ZW10: variants seen among roughly 807,000 people sequenced by gnomAD.
ZW10 encodes centromere/kinetochore protein zw10 homolog.
A neutral mutation model predicts 87.8 loss-of-function variants in ZW10; 53 were observed. The observed-to-expected ratio is 0.60, with a 90% CI of 0.48 to 0.76. The LOEUF is 0.76. Ranked by LOEUF, ZW10 falls within the 30% of genes least tolerant of loss-of-function variation. The pLI, the probability that ZW10 is intolerant of heterozygous loss-of-function variation, is 0.00. For missense variants in ZW10, 837 were observed against 923.0 expected (o/e 0.91, Z 1.21); for synonymous variants, 312 against 329.2 (o/e 0.95, Z 0.57).
chr11:113,739,556 C>A lies in ZW10; in HGVS notation c.1584-174G>T, dbSNP rs1953592160. On this transcript the variant is annotated intron_variant, in intron 11 of 15. Coordinates refer to ENST00000200135, the MANE Select transcript of ZW10 (RefSeq NM_004724.4). ...CTCCCACTCCCAGAGGGAGGCTGTT[C>A]TGCCTGAATGGGATTTTATCCTATA... 2.0e-5 allele frequency among the ~76,000 whole-genome samples: 3 copies of A among 152,340 alleles called. No individual in the cohort carries two copies. The South Asian group carries it at 6.2e-4, about 32-fold the overall frequency.
chr11:113,770,145 G>A (rs896403986), intron 1 of ZW10, among the ~76,000 whole-genome samples: 4 of 146,386 alleles, frequency 2.7e-5, no homozygotes, highest in African/African-American at 1.0e-4. Context: ...CTGGAATGCG[G>A]TGGTGGAATC....
chr11:113,760,078 T>C, intron 5 of ZW10, 131 bp downstream of exon 5: 2 of 1,128,348 alleles, frequency 1.8e-6, no homozygotes, highest in Non-Finnish European at 2.4e-6. Context: ...CTTGCTAACA[T>C]GAGTGCTCAA....
At chr11:113,747,771 T>C in intron 8 of ZW10, 58 bp from the exon 9 acceptor site, 2 of 1,375,644 alleles carry the variant, frequency 1.5e-6, no homozygotes, top group Non-Finnish European at 1.9e-6. Context: ...ATTACAATAT[T>C]AGAATTTCAA....
At chr11:113,763,279 C>T (rs1055386678) in intron 2 of ZW10, among the ~76,000 whole-genome samples, 1 of 152,098 alleles carries the variant, frequency 6.6e-6, no homozygotes, top group Non-Finnish European at 1.5e-5. Context: ...ATGGGCATTT[C>T]GGTTGGTTCC....
At chr11:113,766,159 C>T (rs569461616) in intron 2 of ZW10, among the ~76,000 whole-genome samples, 1 of 150,494 alleles carries the variant, frequency 6.6e-6, no homozygotes, top group South Asian at 2.1e-4. Flanking sequence ...TCACTTAAAC[C>T]CAGAAGTTCG....
At chr11:113,761,829 T>C (rs184681297) in intron 2 of ZW10, among the ~76,000 whole-genome samples, 7 of 152,280 alleles carry the variant, frequency 4.6e-5, no homozygotes, top group Admixed American at 4.6e-4. Context: ...AACCACCCTA[T>C]TGCTCAGTAA....
At chr11:113,758,843 T>C in intron 5 of ZW10, 137 bp from the exon 6 acceptor site, 2 of 802,194 alleles carry the variant, frequency 2.5e-6, no homozygotes, top group Middle Eastern at 7.7e-4. Context: ...ATATGAATTA[T>C]GACATACATG....
chr11:113,746,708 G>A (rs77466658), intron 9 of ZW10, among the ~76,000 whole-genome samples: 12,962 of 152,012 alleles, frequency 0.085, 599 homozygotes, highest in Middle Eastern at 0.17. Flanking sequence ...TGTGATCTGC[G>A]GTAAGAATAT....
intron 9 of ZW10, among the ~76,000 whole-genome samples, chr11:113,745,096 A>C (rs74887888): frequency 5.1e-5 from 4 of 77,962 alleles, no homozygotes; most frequent in African/African-American, 1.3e-4. Context: ...TCCCCTTATT[A>C]AAAAAAAAAA....
At chr11:113,738,086 G>T (rs949574488) in intron 13 of ZW10, among the ~76,000 whole-genome samples, 178 bp downstream of exon 13, 1 of 151,578 alleles carries the variant, frequency 6.6e-6, no homozygotes, top group African/African-American at 2.4e-5. Flanking sequence ...CTTGGTGGGA[G>T]AGGGGAAGAA....
chr11:113,733,430 C>T lies in ZW10; in HGVS notation c.*264G>A, dbSNP rs1953512638. ...CTGGAAGCAGCATGAAATAATGCTG[C>T]CTGACAGTTTGTTAGCTAATCAAAG... is the stretch of plus-strand genomic sequence containing the variant. On this transcript the variant is annotated 3_prime_UTR_variant, in exon 16 of 16. Coordinates refer to ENST00000200135, the MANE Select transcript of ZW10 (RefSeq NM_004724.4). 1 of 434,600 alleles carries T rather than the reference C, an allele frequency of 2.3e-6. No individual in the cohort carries two copies. Among genetic ancestry groups the T allele is most frequent in the African/African-American group, 2.1e-5 (1 of 48,544 alleles). 26.9% of individuals were successfully genotyped at this position (434,600 alleles called of 1,614,324 possible).
chr11:113,743,235 C>A (rs1451892654), intron 10 of ZW10, among the ~76,000 whole-genome samples: 1 of 152,094 alleles, frequency 6.6e-6, no homozygotes, highest in Non-Finnish European at 1.5e-5. Context: ...CTTTGGCTGC[C>A]TAACAAATTG....
At chr11:113,756,071 T>C (rs1234569839) in intron 7 of ZW10, among the ~76,000 whole-genome samples, 3 of 152,096 alleles carry the variant, frequency 2.0e-5, no homozygotes, top group Non-Finnish European at 2.9e-5. Flanking sequence ...ACCCGCAATA[T>C]CTCTGAGGTA....
chr11:113,753,999 T>C (rs1399081598), intron 7 of ZW10, among the ~76,000 whole-genome samples: 2 of 152,254 alleles, frequency 1.3e-5, no homozygotes, highest in Admixed American at 1.3e-4. Flanking sequence ...CAAAGGTCTC[T>C]ATACTAAACA....
Position 113,760,109 on chromosome 11 carries a change from A to G in ZW10, c.580+100T>C, listed in dbSNP as rs1953841242. ...CTCAATACAGACATGGAAGATTATG[A>G]ATGAACCCTCATCTACTAATACAAA... On this transcript the variant is annotated intron_variant, in intron 5 of 15. Transcript: ENST00000200135. 14 of 1,370,796 alleles carry G rather than the reference A, an allele frequency of 1.0e-5. 2 individuals carry two copies. The South Asian group carries it at 1.6e-4, about 16-fold the overall frequency. The allele number at this position is 1,370,796 out of a possible 1,614,324, so 84.9% of individuals were successfully genotyped here.
intron 7 of ZW10, among the ~76,000 whole-genome samples, chr11:113,751,995 A>T (rs1049750752): frequency 6.6e-6 from 1 of 152,238 alleles, no homozygotes; most frequent in Admixed American, 6.5e-5. Flanking sequence ...TGTTAAAAGC[A>T]TTCAGTTTGC....
chr11:113,763,238 T>C (rs1378580952), intron 2 of ZW10, among the ~76,000 whole-genome samples: 1 of 152,364 alleles, frequency 6.6e-6, no homozygotes, highest in East Asian at 1.9e-4. Flanking sequence ...GGTGTATATG[T>C]ACCACATTTT....
intron 1 of ZW10, among the ~76,000 whole-genome samples, chr11:113,769,487 C>A (rs2134900830): frequency 6.6e-6 from 1 of 152,294 alleles, no homozygotes; most frequent in Middle Eastern, 3.4e-3. Context: ...GATCTTAAAA[C>A]CCTACATTGA....
intron 15 of ZW10, among the ~76,000 whole-genome samples, chr11:113,735,338 C>T (rs1953539941): frequency 6.6e-6 from 1 of 151,910 alleles, no homozygotes; most frequent in Non-Finnish European, 1.5e-5. Context: ...CCCTCTGGAG[C>T]CTATTACTTA....
Sources: allele counts gnomAD v4.1 joint callset (sites outside exome capture counted in the v4.1 genomes callset), GRCh38; gene constraint gnomAD v4.1.1; transcripts MANE v1.5; gene names NCBI Gene and HGNC (gene_info 2026-07-23, HGNC 2026-07-21).